The following PLEKHA5 variants were observed in gnomAD, a reference collection of about 807,000 sequenced individuals.
The protein encoded by PLEKHA5 is pleckstrin homology domain containing A5.
Under a neutral mutation model 181.9 loss-of-function variants are expected in PLEKHA5, and 55 were observed. The ratio of observed to expected loss-of-function variants is 0.30; its 90% CI spans 0.24 to 0.38. The LOEUF is 0.38. Among genes scored for constraint, PLEKHA5 ranks in the 10% least tolerant of loss-of-function variants. PLEKHA5 has a pLI of 1.00. For missense variants in PLEKHA5, 1,432 were observed against 1,549.5 expected, an observed-to-expected ratio of 0.92 and a Z score of 1.27; for synonymous variants, 535 against 529.4, an observed-to-expected ratio of 1.01 and a Z score of -0.15.
intron 15 of PLEKHA5, among the ~76,000 whole-genome samples, chr12:19,310,788 G>GT (rs1007863647): frequency 9.9e-5 from 15 of 151,450 alleles, no homozygotes; most frequent in African/African-American, 2.7e-4. Flanking sequence ...TTGTTTTTTT[G>GT]TTTTTTTGGT....
intron 15 of PLEKHA5, among the ~76,000 whole-genome samples, chr12:19,313,780 A>G (rs1565605043): frequency 1.3e-5 from 2 of 152,170 alleles, no homozygotes; most frequent in Admixed American, 1.3e-4. Flanking sequence ...CTAATTTGAT[A>G]ACTAAACAAA....
chr12:19,295,560 A>G (rs1245120897), intron 15 of PLEKHA5, among the ~76,000 whole-genome samples: 2 of 151,014 alleles, frequency 1.3e-5, no homozygotes, highest in East Asian at 3.9e-4. Flanking sequence ...AAAATTTTGA[A>G]AAAAATTTTT....
chr12:19,306,793 C>T (rs2083914488), intron 15 of PLEKHA5: 1 of 862,326 alleles, frequency 1.2e-6, no homozygotes, highest in Non-Finnish European at 2.0e-6. Context: ...GATCCAGACT[C>T]AGCAGTTGTC....
At chr12:19,261,291 A>C (rs2068403582) in intron 7 of PLEKHA5, among the ~76,000 whole-genome samples, 1 of 152,150 alleles carries the variant, frequency 6.6e-6, no homozygotes, top group Non-Finnish European at 1.5e-5. Context: ...TCGGTGCTTA[A>C]TAGATACAAT....
chr12:19,368,627 T>C (rs1047875517), intron 30 of PLEKHA5, among the ~76,000 whole-genome samples: 2 of 151,920 alleles, frequency 1.3e-5, no homozygotes, highest in African/African-American at 4.8e-5. Flanking sequence ...ACCCCGTCTC[T>C]ACTAAAAATA....
chr12:19,344,123 T>A (rs959750860), intron 22 of PLEKHA5, among the ~76,000 whole-genome samples: 2 of 152,162 alleles, frequency 1.3e-5, no homozygotes, highest in African/African-American at 4.8e-5. Flanking sequence ...AGTCTGTTGC[T>A]GACCAAAACA....
chr12:19,200,626 T>G, intron 3 of PLEKHA5: 1 of 1,114,376 alleles, frequency 9.0e-7, no homozygotes, highest in African/African-American at 1.6e-5. Flanking sequence ...TAGCTTTTTC[T>G]TCCTCTTCAA....
At chr12:19,136,542 G>A (rs940668451) in intron 3 of PLEKHA5, among the ~76,000 whole-genome samples, 3 of 152,080 alleles carry the variant, frequency 2.0e-5, no homozygotes, top group Non-Finnish European at 2.9e-5. Context: ...TAATGATTCT[G>A]TAATGACAGG....
intron 15 of PLEKHA5, among the ~76,000 whole-genome samples, chr12:19,305,720 C>T (rs977035008): frequency 9.2e-5 from 14 of 151,680 alleles, no homozygotes; most frequent in Non-Finnish European, 1.8e-4. Flanking sequence ...ATTAACTGGG[C>T]ATTGTGGCAC....
chr12:19,272,348 A>G (rs1057363447), intron 10 of PLEKHA5, among the ~76,000 whole-genome samples: 13 of 152,150 alleles, frequency 8.5e-5, no homozygotes, highest in Admixed American at 3.9e-4. Context: ...GCTTTGTTCC[A>G]TTTAGAGAAA....
chr12:19,242,962 T>A (rs1197319499), intron 3 of PLEKHA5, among the ~76,000 whole-genome samples: 1 of 152,184 alleles, frequency 6.6e-6, no homozygotes, highest in Non-Finnish European at 1.5e-5. Flanking sequence ...TTATGAAGCT[T>A]CCAAGGATGA....
At chr12:19,137,993 C>A (rs2036155422) in intron 3 of PLEKHA5, among the ~76,000 whole-genome samples, 1 of 152,138 alleles carries the variant, frequency 6.6e-6, no homozygotes, top group Non-Finnish European at 1.5e-5. Flanking sequence ...TCTGGATAGA[C>A]CCCTTCGTTT....
intron 10 of PLEKHA5, among the ~76,000 whole-genome samples, chr12:19,272,629 C>A (rs961286753): frequency 6.6e-6 from 1 of 151,836 alleles, no homozygotes; most frequent in Non-Finnish European, 1.5e-5. Context: ...CCCGGCTGCT[C>A]GGGAGGCTGA....
At chr12:19,281,829 T>G (rs1376812062) in intron 11 of PLEKHA5, among the ~76,000 whole-genome samples, 1 of 152,038 alleles carries the variant, frequency 6.6e-6, no homozygotes. Flanking sequence ...TCGCCCAGGC[T>G]GGAGTGCACT....
rs2094441020 is a variant in PLEKHA5 at position 19,348,412 on chromosome 12, G to A, written c.2912G>A (p.Arg971Lys). The change falls in exon 25 of 32, where the codon AGA (arginine) becomes AAA (lysine). Residue 971 changes from arginine to lysine, a missense_variant. By Grantham distance (26) the Arg-to-Lys change is conservative (BLOSUM62 2). This residue lies in a region of PLEKHA5 where 1,143 missense variants were observed against 1,168.4 expected (regional missense o/e 0.98). Transcript: ENST00000429027. ...RNGSHCGPDYRLYKSEPELTT... is the reference protein window; with the variant it reads ...RNGSHCGPDYKLYKSEPELTT... ...CTTCCTTTCAAGGGTCCAGATTATA[G>A]ACTCTACAAGAGTGAACCAGAGTTA... The A allele has an allele frequency of 6.3e-7, 1 of 1,579,916 alleles. No individual in the cohort carries two copies. The highest frequency in any genetic ancestry group is 8.6e-7 in the Non-Finnish European group (1 of 1,167,392).
chr12:19,340,442 C>A (rs1357443295), intron 21 of PLEKHA5, among the ~76,000 whole-genome samples: 1 of 45,186 alleles, frequency 2.2e-5, no homozygotes, highest in South Asian at 6.8e-4. Flanking sequence ...ACCACCCCGT[C>A]TGGGAGGTGT....
At chr12:19,280,560 A>G (rs997594357) in intron 11 of PLEKHA5, among the ~76,000 whole-genome samples, 1 of 152,116 alleles carries the variant, frequency 6.6e-6, no homozygotes, top group East Asian at 1.9e-4. Flanking sequence ...TAATATTAGG[A>G]AAAAGTTGTT....
intron 3 of PLEKHA5, chr12:19,201,467 A>G (rs529425067): frequency 8.5e-5 from 13 of 152,224 alleles, no homozygotes; most frequent in African/African-American, 2.2e-4. Flanking sequence ...TTGACCAAGC[A>G]ATTTTACTAC....
intron 3 of PLEKHA5, among the ~76,000 whole-genome samples, chr12:19,235,633 C>G (rs1166320611): frequency 1.3e-5 from 2 of 152,120 alleles, no homozygotes; most frequent in Non-Finnish European, 2.9e-5. Context: ...AGTAACCTGC[C>G]TGTGGTCAGA....
Sources: gnomAD v4.1 joint callset for allele counts (sites outside exome capture counted in the v4.1 genomes callset) on GRCh38, gnomAD v4.1.1 for gene constraint, gnomAD v4.1.1 regional missense constraint, MANE v1.5 for transcripts, NCBI Gene and HGNC (gene_info 2026-07-23, HGNC 2026-07-21) for gene names.